TBC1D30: variants seen among roughly 807,000 people sequenced by gnomAD.
TBC1D30 encodes TBC1 domain family member 30, also known as TBC1 domain family, member 30.
A neutral mutation model predicts 63.2 loss-of-function variants in TBC1D30; 31 were observed. The ratio of observed to expected loss-of-function variants is 0.49; its 90% CI spans 0.37 to 0.66. TBC1D30 has a LOEUF of 0.66. Among genes scored for constraint, TBC1D30 ranks in the 30% least tolerant of loss-of-function variants. The probability of loss-of-function intolerance (pLI) is 0.00; values close to 1 mark genes in which losing one functional copy is unlikely to be tolerated. For missense variants in TBC1D30, 810 were observed against 953.6 expected (o/e 0.85, Z 1.98); for synonymous variants, 307 against 361.5 (o/e 0.85, Z 1.71).
intron 2 of TBC1D30, among the ~76,000 whole-genome samples, chr12:64,794,760 G>A (rs944979216): frequency 6.6e-6 from 1 of 151,924 alleles, no homozygotes; most frequent in Admixed American, 6.6e-5. Context: ...TCTCTTTCTC[G>A]CTTTCCAACT....
chr12:64,794,266 T>C (rs1478697796), intron 2 of TBC1D30, among the ~76,000 whole-genome samples: 2 of 152,186 alleles, frequency 1.3e-5, no homozygotes, highest in Non-Finnish European at 2.9e-5. Flanking sequence ...CTCAGGTCAT[T>C]GTCACTGGGC....
At chr12:64,830,213 A>C (rs1874724076) in intron 3 of TBC1D30, among the ~76,000 whole-genome samples, 164 bp from the exon 4 acceptor site, 1 of 152,210 alleles carries the variant, frequency 6.6e-6, no homozygotes, top group Admixed American at 6.5e-5. Flanking sequence ...AAATCAGTGC[A>C]ACAAACATTT....
In TBC1D30 at chr12:64,876,141, C is replaced by T; in HGVS notation, c.*353C>T. 4.9e-6 allele frequency: 1 copy of T among 205,484 alleles called. No individual in the cohort carries two copies. Among genetic ancestry groups the T allele is most frequent in the South Asian group, 1.2e-4 (1 of 8,442 alleles). The allele number at this position is 205,484 out of a possible 1,614,324, so 12.7% of individuals were successfully genotyped here. On this transcript the variant is annotated 3_prime_UTR_variant, in exon 12 of 12. Transcript: ENST00000539867. Reference sequence around the variant, plus strand: ...GGGGCCTTCAGAGTCCCTGTGACAGCACCCCCAAACCTTCCAGTTCTCTGG... The same window carrying T: ...GGGGCCTTCAGAGTCCCTGTGACAGTACCCCCAAACCTTCCAGTTCTCTGG...
At chr12:64,858,855 G>A (rs927464343) in intron 8 of TBC1D30, among the ~76,000 whole-genome samples, 1 of 152,296 alleles carries the variant, frequency 6.6e-6, no homozygotes, top group African/African-American at 2.4e-5. Context: ...TGGGGAGTGC[G>A]TCGAGGGAGG....
intron 8 of TBC1D30, among the ~76,000 whole-genome samples, chr12:64,849,823 A>T: frequency 6.6e-6 from 1 of 152,020 alleles, no homozygotes; most frequent in South Asian, 2.1e-4. Flanking sequence ...GTCAATGGTA[A>T]CTTGATGGGG....
rs1592674153 is a variant in TBC1D30 at position 64,877,738 on chromosome 12, C to T, written c.*1950C>T. On this transcript the variant is annotated 3_prime_UTR_variant, in exon 12 of 12. Transcript: ENST00000539867. The stretch of plus-strand genomic sequence containing the variant: ...AAAGTTAAGCAAATGACACCATTTT[C>T]TTCCATCAGCTAAACTTTACAGATA... 1 of 152,264 alleles carries T rather than the reference C, an allele frequency of 6.6e-6. No homozygotes were observed. The highest frequency in any genetic ancestry group is 2.4e-5 in the African/African-American group (1 of 41,470). 9.4% of individuals were successfully genotyped at this position (152,264 alleles called of 1,614,324 possible). A position where few individuals can be genotyped will look rare whatever the true frequency, so the allele number is the denominator to read the frequency against.
At chr12:64,818,361 A>C (rs1280448801) in intron 2 of TBC1D30, 1 of 968,020 alleles carries the variant, frequency 1.0e-6, no homozygotes, top group Non-Finnish European at 1.2e-6. Context: ...TATCTCTCCA[A>C]TTATTCACAT....
intron 1 of TBC1D30, among the ~76,000 whole-genome samples, chr12:64,760,230 G>C (rs1445209969): frequency 2.6e-5 from 4 of 152,120 alleles, no homozygotes; most frequent in African/African-American, 9.7e-5. Flanking sequence ...ACTAGCTCCA[G>C]ATATTTCTGT....
chr12:64,832,391 C>A, intron 5 of TBC1D30, 87 bp downstream of exon 5: 1 of 1,345,592 alleles, frequency 7.4e-7, no homozygotes, highest in Non-Finnish European at 1.0e-6. Context: ...GATGTCTCAT[C>A]CTTTTCCAAG....
intron 1 of TBC1D30, among the ~76,000 whole-genome samples, chr12:64,826,920 T>C (rs1358394630): frequency 6.6e-6 from 1 of 152,182 alleles, no homozygotes; most frequent in Non-Finnish European, 1.5e-5. Context: ...ATATATATTT[T>C]TTAAAAGACC....
intron 2 of TBC1D30, among the ~76,000 whole-genome samples, chr12:64,804,309 G>A (rs1872743254): frequency 6.6e-6 from 1 of 152,138 alleles, no homozygotes; most frequent in Non-Finnish European, 1.5e-5. Flanking sequence ...TGGTGTAGAG[G>A]AATGTTTGTG....
chr12:64,816,800 T>TC (rs1873568425), intron 2 of TBC1D30, among the ~76,000 whole-genome samples: 1 of 144,768 alleles, frequency 6.9e-6, no homozygotes, highest in African/African-American at 2.5e-5. Flanking sequence ...CTCCCTCCCT[T>TC]CCTCCCTCCC....
chr12:64,853,546 A>C (rs1877050894), intron 8 of TBC1D30, among the ~76,000 whole-genome samples: 1 of 152,086 alleles, frequency 6.6e-6, no homozygotes, highest in African/African-American at 2.4e-5. Flanking sequence ...ATGAAAAAAA[A>C]ACTCCTGCAG....
chr12:64,823,539 G>A (rs1874021580), upstream of TBC1D30, among the ~76,000 whole-genome samples: 1 of 152,166 alleles, frequency 6.6e-6, no homozygotes, highest in Non-Finnish European at 1.5e-5. Context: ...ATAGCTCACT[G>A]CAGCTTTGAA....
chr12:64,786,793 A>G (rs1871615394), intron 2 of TBC1D30, among the ~76,000 whole-genome samples: 1 of 151,966 alleles, frequency 6.6e-6, no homozygotes, highest in African/African-American at 2.4e-5. Flanking sequence ...TCTACTAAAA[A>G]TTAGCTGGTC....
intron 9 of TBC1D30, 74 bp from the exon 10 acceptor site, chr12:64,866,690 A>G: frequency 7.2e-7 from 1 of 1,386,300 alleles, no homozygotes; most frequent in Non-Finnish European, 9.7e-7. Flanking sequence ...CATTTAAACC[A>G]TGTAACTGTA....
intron 8 of TBC1D30, among the ~76,000 whole-genome samples, chr12:64,850,710 A>G (rs1321476287): frequency 6.6e-6 from 1 of 152,072 alleles, no homozygotes; most frequent in Non-Finnish European, 1.5e-5. Flanking sequence ...ATCGATGTTC[A>G]TTGGGGATAT....
intron 9 of TBC1D30, among the ~76,000 whole-genome samples, chr12:64,865,627 A>G (rs891915282): frequency 5.3e-5 from 8 of 152,132 alleles, no homozygotes; most frequent in African/African-American, 1.9e-4. Context: ...AAGCTGAAGC[A>G]GGAGGATCAC....
At chr12:64,850,587 C>T (rs1286391273) in intron 8 of TBC1D30, among the ~76,000 whole-genome samples, 1 of 152,162 alleles carries the variant, frequency 6.6e-6, no homozygotes, top group Admixed American at 6.5e-5. Context: ...TATTGATTTG[C>T]ATATATTGAA....
Sources: allele counts gnomAD v4.1 joint callset (sites outside exome capture counted in the v4.1 genomes callset), GRCh38; gene constraint gnomAD v4.1.1; transcripts MANE v1.5; gene names NCBI Gene and HGNC (gene_info 2026-07-23, HGNC 2026-07-21).